Variants in SPAG17 observed in about 807,000 individuals in gnomAD.
The protein encoded by SPAG17 is sperm-associated antigen 17.
A neutral mutation model predicts 273.6 loss-of-function variants in SPAG17; 169 were observed. The ratio of observed to expected loss-of-function variants is 0.62; its 90% confidence interval spans 0.55 to 0.70. The LOEUF (loss-of-function observed/expected upper bound fraction) is 0.70, where lower values mean the gene tolerates loss of function less well. Among genes scored for constraint, SPAG17 ranks in the 30% least tolerant of loss-of-function variants. SPAG17 has a pLI of 0.00. For synonymous variants in SPAG17, 825 were observed against 873.2 expected (o/e 0.94, Z 0.97); for missense variants, 2,557 against 2,627.8 (o/e 0.97, Z 0.59).
chr1:118,169,295 A>T (rs1660312074), intron 1 of SPAG17, among the ~76,000 whole-genome samples: 1 of 152,220 alleles, frequency 6.6e-6, no homozygotes, highest in African/African-American at 2.4e-5. Context: ...TTCCCTCTTA[A>T]CATTCTTCCT....
intron 4 of SPAG17, among the ~76,000 whole-genome samples, chr1:118,109,369 T>A: frequency 7.2e-6 from 1 of 139,378 alleles, no homozygotes; most frequent in African/African-American, 2.6e-5. Flanking sequence ...AACATGGCGA[T>A]ATCCCATCTT....
At position 117,996,682 on chromosome 1, in the gene SPAG17, T is replaced by C; in HGVS notation, c.4838A>G (p.Asn1613Ser). 1 of 1,612,916 alleles carries C rather than the reference T, an allele frequency of 6.2e-7. No homozygotes were observed. Among genetic ancestry groups the C allele is most frequent in the South Asian group, 1.1e-5 (1 of 90,958 alleles). The change falls in exon 33 of 49, where the codon AAT (asparagine) becomes AGT (serine). Residue 1613 changes from asparagine (N) to serine (S), a missense_variant. By Grantham distance (46) the Asn-to-Ser change is conservative (BLOSUM62 1). Transcript: ENST00000336338. The stretch of plus-strand genomic sequence containing the variant: ...ACTATCATAGCCCTCAGTTTTCTCA[T>C]TTAAATCATCTTCCAATTTTTTTTC... ...LPEKKLEDDL[N>S]EKTEGYDSLS...
intron 1 of SPAG17, among the ~76,000 whole-genome samples, chr1:118,183,337 G>A (rs537868177): frequency 2.0e-5 from 3 of 152,208 alleles, no homozygotes; most frequent in African/African-American, 7.2e-5. Flanking sequence ...TTCAGAGTCC[G>A]TTTCATTGGT....
intron 41 of SPAG17, among the ~76,000 whole-genome samples, chr1:117,984,209 G>A (rs1458002291): frequency 6.6e-6 from 1 of 152,146 alleles, no homozygotes; most frequent in Non-Finnish European, 1.5e-5. Flanking sequence ...GGGAAGGTCG[G>A]GGCTGTGGTC....
chr1:118,176,121 G>C (rs983516521), intron 1 of SPAG17, among the ~76,000 whole-genome samples: 3 of 151,932 alleles, frequency 2.0e-5, no homozygotes. Context: ...AAAATAAAAA[G>C]AAACAAATTA....
chr1:117,960,158 GTATGTA>G (rs1001427895), intron 48 of SPAG17: 3 of 150,618 alleles, frequency 2.0e-5, no homozygotes, highest in African/African-American at 7.3e-5. Flanking sequence ...ATGTGTATGT[GTATGTA>G]CACATACATA....
intron 34 of SPAG17, 35 bp downstream of exon 34, chr1:117,996,335 G>GAC: frequency 6.4e-7 from 1 of 1,573,694 alleles, no homozygotes; most frequent in Non-Finnish European, 8.6e-7. Context: ...TTGGCAAAGA[G>GAC]ACACCGTGCA....
rs551335450 is a variant in SPAG17, at chr1:118,036,567, T to C, written c.3433+203A>G. Reference sequence around the variant, plus strand: ...TTATTTTGTATCTATGTATAAAAGATTATATATATATATACTGTATACACA... The same window carrying C: ...TTATTTTGTATCTATGTATAAAAGACTATATATATATATACTGTATACACA... On this transcript the variant is annotated intron_variant, in intron 24 of 48. Coordinates refer to ENST00000336338, the MANE Select transcript of SPAG17 (RefSeq NM_206996.4). 3.0e-3 allele frequency: 946 copies of C among 315,740 alleles called. 4 individuals are homozygous for C. The highest frequency in any genetic ancestry group is 4.0e-3 in the Non-Finnish European group (707 of 175,820). The allele number at this position is 315,740 out of a possible 1,614,324, so 19.6% of individuals were successfully genotyped here.
intron 20 of SPAG17, among the ~76,000 whole-genome samples, chr1:118,049,950 C>A (rs767769954): frequency 6.6e-6 from 1 of 152,148 alleles, no homozygotes; most frequent in Non-Finnish European, 1.5e-5. Flanking sequence ...AACTGGTGAT[C>A]AGCAGCTTCC....
At chr1:118,170,144 C>T (rs1041451106) in intron 1 of SPAG17, among the ~76,000 whole-genome samples, 1 of 152,114 alleles carries the variant, frequency 6.6e-6, no homozygotes, top group African/African-American at 2.4e-5. Flanking sequence ...CCAAAACATA[C>T]ATTTCTTCAT....
intron 23 of SPAG17, 114 bp from the exon 24 acceptor site, chr1:118,036,997 A>G (rs1230199296): frequency 1.8e-5 from 13 of 716,194 alleles, no homozygotes; most frequent in Non-Finnish European, 3.0e-5. Flanking sequence ...CAATCAACTT[A>G]AAAAATAATT....
In SPAG17 at chr1:118,041,791, AT is replaced by A; in HGVS notation, c.3054+11del. The A allele has an allele frequency of 6.2e-7, 1 of 1,604,690 alleles. No homozygotes were observed. ...GCCCAAAGAGACTAAGTTTTACAGA[AT>A]TGGAGTTTACCGGGTAAGTTATCTT... On this transcript the variant is annotated intron_variant, in intron 21 of 48. Coordinates refer to ENST00000336338, the MANE Select transcript of SPAG17 (RefSeq NM_206996.4).
Position 118,101,829 on chromosome 1 carries a change from C to T in SPAG17, c.545G>A (p.Gly182Glu). 6.2e-7 allele frequency: 1 copy of T among 1,613,996 alleles called. No individual in the cohort carries two copies. The highest frequency in any genetic ancestry group is 8.5e-7 in the Non-Finnish European group (1 of 1,179,920). ...TGCATTTGCCTCAGGCTGATCCTTT[C>T]CCTTTCCTTTGGCAGGCTTGGCACT... ...APSAKPAKGK[G>E]KDQPEANAPV... The change falls in exon 5 of 49, where the codon GGA (glycine) becomes GAA (glutamate). Residue 182 changes from glycine (G) to glutamate (E), a missense_variant. Coordinates refer to ENST00000336338, the MANE Select transcript of SPAG17 (RefSeq NM_206996.4).
chr1:117,997,019 T>C (rs17037785), intron 32 of SPAG17, among the ~76,000 whole-genome samples: 9,616 of 152,170 alleles, frequency 0.063, 516 homozygotes, highest in East Asian at 0.31. Flanking sequence ...CCAAACCTCA[T>C]ACTGTGAAGA....
chr1:118,148,634 G>GA (rs1181376759), intron 3 of SPAG17, among the ~76,000 whole-genome samples: 2 of 152,182 alleles, frequency 1.3e-5, no homozygotes, highest in Non-Finnish European at 2.9e-5. Flanking sequence ...TAGCTAGACA[G>GA]AAAAGTTCTC....
chr1:118,085,914 G>A lies in SPAG17; in HGVS notation c.1762+8C>T. 1 of 1,594,042 alleles carries A rather than the reference G, an allele frequency of 6.3e-7. No individual in the cohort carries two copies. The highest frequency in any genetic ancestry group is 8.5e-7 in the Non-Finnish European group (1 of 1,172,988). On this transcript the variant is annotated splice_region_variant and intron_variant, in intron 13 of 48. Coordinates refer to ENST00000336338, the MANE Select transcript of SPAG17 (RefSeq NM_206996.4). ...TGAGTTTAAGCTAAGACAAAGCAATGGACTCACCACTCGTACAAAAGTGCA... is the reference window on the plus strand; with the variant it reads ...TGAGTTTAAGCTAAGACAAAGCAATAGACTCACCACTCGTACAAAAGTGCA...
At chr1:118,044,579 G>A (rs1005023766) in intron 20 of SPAG17, among the ~76,000 whole-genome samples, 1 of 152,184 alleles carries the variant, frequency 6.6e-6, no homozygotes, top group Non-Finnish European at 1.5e-5. Flanking sequence ...GGAAAATGTG[G>A]AAAAATATCT....
chr1:118,184,717 G>T (rs1189348547), intron 1 of SPAG17, among the ~76,000 whole-genome samples: 1 of 152,164 alleles, frequency 6.6e-6, no homozygotes, highest in Non-Finnish European at 1.5e-5. Context: ...TCATCCTTTA[G>T]AAGGTTTCAG....
At chr1:117,981,120 G>A in intron 43 of SPAG17, 150 bp downstream of exon 43, 1 of 679,784 alleles carries the variant, frequency 1.5e-6, no homozygotes, top group East Asian at 3.2e-5. Context: ...GTGCTAAGAA[G>A]CCTTTGCAAA....
Sources: allele counts gnomAD v4.1 joint callset (sites outside exome capture counted in the v4.1 genomes callset), GRCh38; gene constraint gnomAD v4.1.1; transcripts MANE v1.5; gene names NCBI Gene and HGNC (gene_info 2026-07-23, HGNC 2026-07-21).